Variants in SGK3 observed in about 807,000 individuals in gnomAD.
SGK3 encodes serine/threonine-protein kinase Sgk3.
SGK3 carries 47 observed loss-of-function variants against 68.5 expected under a neutral mutation model. That is an observed-to-expected ratio of 0.69 (90% CI 0.54 to 0.87). SGK3 has a LOEUF of 0.87. Ranked by LOEUF, SGK3 falls within the 40% of genes least tolerant of loss-of-function variation. The pLI is 0.00. For missense variants in SGK3, 479 were observed against 575.5 expected (o/e 0.83, Z 1.72); for synonymous variants, 181 against 189.1 (o/e 0.96, Z 0.35).
In SGK3 at chr8:66,860,959, C is replaced by CA. The variant is rs1810728209; in HGVS notation, c.*1384dup. On this transcript the variant is annotated 3_prime_UTR_variant, in exon 17 of 17. Coordinates refer to ENST00000521198, the MANE Select transcript of SGK3 (RefSeq NM_001033578.3). The stretch of plus-strand genomic sequence containing the variant: ...GCAACATGGCGAAACCCTATCTCTA[C>CA]AAAAAATACAAAAATTAGCCAGACA... The CA allele has an allele frequency of 6.6e-6, 1 of 151,644 alleles. No individual in the cohort carries two copies. Among genetic ancestry groups the CA allele is most frequent in the African/African-American group, 2.4e-5 (1 of 41,218 alleles). The allele number at this position is 151,644 out of a possible 1,614,324, so 9.4% of individuals were successfully genotyped here.
chr8:66,717,893 G>A (rs1015628829), intron 1 of SGK3, among the ~76,000 whole-genome samples: 11 of 152,038 alleles, frequency 7.2e-5, no homozygotes, highest in Non-Finnish European at 1.5e-4. Context: ...GGTAGAGATG[G>A]GTTTCACTGT....
intron 7 of SGK3, among the ~76,000 whole-genome samples, chr8:66,829,651 A>G (rs934759167): frequency 2.0e-5 from 3 of 152,198 alleles, no homozygotes; most frequent in Admixed American, 6.5e-5. Flanking sequence ...AGCAGTTTCA[A>G]TGGTGTGGTG....
rs547206439 is a variant in SGK3, at chr8:66,817,110, G to A, written c.329+3182G>A. On this transcript the variant is annotated intron_variant, in intron 5 of 16. Coordinates refer to ENST00000521198, the MANE Select transcript of SGK3 (RefSeq NM_001033578.3). The stretch of plus-strand genomic sequence containing the variant: ...GCTGGGATTACAGGCATGAGCCACC[G>A]TGCCCAGCAGGAAATGTGCTTTTAA... Among the ~76,000 whole-genome samples the A allele has an allele frequency of 2.2e-4, 34 of 152,098 alleles. No homozygotes were observed. The South Asian group carries it at 3.3e-3, about 15-fold the overall frequency.
intron 1 of SGK3, among the ~76,000 whole-genome samples, chr8:66,769,730 G>GTTATTA (rs143005082): frequency 6.6e-6 from 1 of 151,332 alleles, no homozygotes; most frequent in South Asian, 2.1e-4. Context: ...TATTACTATT[G>GTTATTA]TTATTATTAT....
chr8:66,781,323 C>T (rs975926004), intron 1 of SGK3, among the ~76,000 whole-genome samples: 2 of 152,106 alleles, frequency 1.3e-5, no homozygotes, highest in Admixed American at 6.6e-5. Flanking sequence ...AATTTAGGGC[C>T]TTCCTCCTTA....
rs181401688 is a variant in SGK3, at chr8:66,830,231, G to A, written c.468-1023G>A. On this transcript the variant is annotated intron_variant, in intron 7 of 16. Coordinates refer to ENST00000521198, the MANE Select transcript of SGK3 (RefSeq NM_001033578.3). Reference sequence around the variant, plus strand: ...GAGGCTTGGAGTATGGCCTCAGCTCGCCTATTTACTGTTTGAGGGACCTGC... The same window carrying A: ...GAGGCTTGGAGTATGGCCTCAGCTCACCTATTTACTGTTTGAGGGACCTGC... 1.5e-3 allele frequency among the ~76,000 whole-genome samples: 222 copies of A among 152,240 alleles called. 3 individuals are homozygous for A. Among genetic ancestry groups the A allele is most frequent in the Admixed American group, 0.012 (182 of 15,282 alleles).
intron 1 of SGK3, among the ~76,000 whole-genome samples, chr8:66,783,218 A>G (rs1807061698): frequency 6.6e-6 from 1 of 152,214 alleles, no homozygotes; most frequent in African/African-American, 2.4e-5. Context: ...TCCTGGTGAC[A>G]TGATGTGGAA....
At chr8:66,804,643 C>T (rs1249527850) in intron 4 of SGK3, among the ~76,000 whole-genome samples, 196 bp downstream of exon 4, 1 of 152,156 alleles carries the variant, frequency 6.6e-6, no homozygotes, top group Non-Finnish European at 1.5e-5. Context: ...TCATTCGATC[C>T]TGACAACTTC....
chr8:66,810,477 G>A (rs1808341390), intron 4 of SGK3, among the ~76,000 whole-genome samples: 1 of 152,232 alleles, frequency 6.6e-6, no homozygotes, highest in Non-Finnish European at 1.5e-5. Flanking sequence ...GAGGTGGGTG[G>A]ATCGCCTGAG....
At chr8:66,720,757 CA>C (rs1213133843) in intron 1 of SGK3, among the ~76,000 whole-genome samples, 8 of 145,566 alleles carry the variant, frequency 5.5e-5, no homozygotes, top group African/African-American at 2.1e-4. Flanking sequence ...GTGACAAGAG[CA>C]AAACTCTGTC....
chr8:66,723,089 TCATATATATATATATA>T lies in SGK3; in HGVS notation c.-122+10257_-122+10272del, dbSNP rs1460405984. On this transcript the variant is annotated intron_variant, in intron 1 of 16. Coordinates refer to ENST00000521198, the MANE Select transcript of SGK3 (RefSeq NM_001033578.3). Reference sequence around the variant, plus strand: ...TAAACATTCAGAAGTAAGATTTTGTTCATATATATATATATATATATATATATATATATATATATAT... The same window carrying T: ...TAAACATTCAGAAGTAAGATTTTGTTTATATATATATATATATATATATAT... Among the ~76,000 whole-genome samples, 243 of 57,464 alleles carry T rather than the reference TCATATATATATATATA, an allele frequency of 4.2e-3. 9 individuals are homozygous for T. The highest frequency in any genetic ancestry group is 0.014 in the African/African-American group (217 of 15,998). The allele number at this position is 57,464 out of a possible 152,430, so 37.7% of individuals were successfully genotyped here.
At chr8:66,793,308 G>A (rs1208942289) in intron 1 of SGK3, among the ~76,000 whole-genome samples, 2 of 152,218 alleles carry the variant, frequency 1.3e-5, no homozygotes, top group African/African-American at 2.4e-5. Context: ...GATACAAGAA[G>A]TCTGAAAACC....
At chr8:66,839,459 G>A (rs1287339614) in intron 10 of SGK3, among the ~76,000 whole-genome samples, 1 of 114,582 alleles carries the variant, frequency 8.7e-6, no homozygotes, top group African/African-American at 3.3e-5. Flanking sequence ...CAGATTTTTT[G>A]AAAAACAGTA....
intron 16 of SGK3, among the ~76,000 whole-genome samples, chr8:66,852,482 A>AT (rs1345444047): frequency 2.6e-5 from 4 of 151,968 alleles, no homozygotes; most frequent in African/African-American, 9.7e-5. Flanking sequence ...GGGTTTCACC[A>AT]TGTTGGCCAG....
chr8:66,788,392 G>A (rs2130553832), intron 1 of SGK3, among the ~76,000 whole-genome samples: 1 of 152,322 alleles, frequency 6.6e-6, no homozygotes, highest in South Asian at 2.1e-4. Context: ...TAACAAGCCA[G>A]GAACCACAGA....
intron 1 of SGK3, among the ~76,000 whole-genome samples, chr8:66,768,254 A>T (rs1163406985): frequency 2.0e-5 from 3 of 152,140 alleles, no homozygotes; most frequent in Non-Finnish European, 4.4e-5. Flanking sequence ...AGAGATTTAA[A>T]TTATTAAAAA....
intron 1 of SGK3, among the ~76,000 whole-genome samples, chr8:66,733,351 T>C (rs1235015334): frequency 1.3e-5 from 2 of 152,220 alleles, no homozygotes; most frequent in African/African-American, 4.8e-5. Flanking sequence ...AGTATAGTTA[T>C]TATTGTAATT....
Position 66,831,191 on chromosome 8 carries a change from A to G in SGK3, c.468-63A>G, listed in dbSNP as rs536547743. The stretch of plus-strand genomic sequence containing the variant: ...TTTTTTAAAGAGGGAGGTGCTAAGA[A>G]ATGTTTAAAAGTTAATATTTCCAAT... On this transcript the variant is annotated intron_variant, in intron 7 of 16. Transcript: ENST00000521198. 249 of 1,584,804 alleles carry G rather than the reference A, an allele frequency of 1.6e-4. No homozygotes were observed. The Middle Eastern group carries it at 4.1e-3, about 26-fold the overall frequency.
At chr8:66,798,489 T>C in intron 2 of SGK3, 53 bp from the exon 3 acceptor site, 2 of 1,492,854 alleles carry the variant, frequency 1.3e-6, no homozygotes, top group South Asian at 2.6e-5. Context: ...AAGTAGCTAA[T>C]GGGTTTTTTG....
Sources: allele counts gnomAD v4.1 joint callset (sites outside exome capture counted in the v4.1 genomes callset), GRCh38; gene constraint gnomAD v4.1.1; transcripts MANE v1.5; gene names NCBI Gene and HGNC (gene_info 2026-07-23, HGNC 2026-07-21).